The following GMDS variants were observed in gnomAD, a reference collection of about 807,000 sequenced individuals.
GMDS encodes the protein GDP-mannose 4,6-dehydratase.
In GMDS, 20 loss-of-function variants were observed where a neutral mutation model predicts 49.9. The observed-to-expected ratio is 0.40, with a 90% confidence interval of 0.28 to 0.58. The LOEUF is 0.58. Ranked by LOEUF, GMDS falls within the 20% of genes least tolerant of loss-of-function variation. The probability of loss-of-function intolerance (pLI) is 0.42; values close to 1 mark genes in which losing one functional copy is unlikely to be tolerated. For synonymous variants in GMDS, 177 were observed against 178.6 expected (o/e 0.99, Z 0.07); for missense variants, 362 against 481.4 (o/e 0.75, Z 2.32).
chr6:1,864,230 TG>T (rs1275289549), intron 7 of GMDS, among the ~76,000 whole-genome samples: 1 of 152,210 alleles, frequency 6.6e-6, no homozygotes, highest in African/African-American at 2.4e-5. Context: ...GGGAAGCTAT[TG>T]TTAACTTCTG....
intron 7 of GMDS, among the ~76,000 whole-genome samples, chr6:1,808,894 C>T (rs1770290551): frequency 7.5e-6 from 1 of 133,194 alleles, no homozygotes; most frequent in Non-Finnish European, 1.6e-5. Context: ...TGCACTAGTG[C>T]ATGCTCTCTC....
intron 9 of GMDS, among the ~76,000 whole-genome samples, chr6:1,641,935 A>C (rs1167684109): frequency 6.6e-6 from 1 of 152,162 alleles, no homozygotes; most frequent in African/African-American, 2.4e-5. Context: ...CAAACAGTGG[A>C]AGCACACTAG....
chr6:1,659,779 G>T (rs191110972), intron 9 of GMDS, among the ~76,000 whole-genome samples: 2 of 152,120 alleles, frequency 1.3e-5, no homozygotes, highest in East Asian at 3.9e-4. Context: ...ACTTGAGAAA[G>T]ACTTTGTTAT....
chr6:1,819,873 C>A (rs1165466010), intron 7 of GMDS, among the ~76,000 whole-genome samples: 1 of 150,002 alleles, frequency 6.7e-6, no homozygotes, highest in South Asian at 2.1e-4. Context: ...TGTCTCCTTG[C>A]TTCACTGTAA....
At chr6:2,074,675 T>C (rs754279322) in intron 4 of GMDS, among the ~76,000 whole-genome samples, 5 of 152,174 alleles carry the variant, frequency 3.3e-5, no homozygotes, top group African/African-American at 4.8e-5. Context: ...AAATTAATTA[T>C]TTATTTTTAA....
intron 7 of GMDS, among the ~76,000 whole-genome samples, chr6:1,895,143 G>C (rs533478268): frequency 6.6e-6 from 1 of 152,108 alleles, no homozygotes; most frequent in Non-Finnish European, 1.5e-5. Context: ...TTATCCGATG[G>C]GCAACGAGTT....
chr6:2,135,822 A>G (rs1041917161), intron 1 of GMDS, among the ~76,000 whole-genome samples: 3 of 152,230 alleles, frequency 2.0e-5, no homozygotes, highest in African/African-American at 7.2e-5. Context: ...TTTTATGCAC[A>G]TGTTAATAAA....
intron 6 of GMDS, among the ~76,000 whole-genome samples, chr6:1,949,429 A>C (rs1031417823): frequency 2.6e-5 from 4 of 152,222 alleles, no homozygotes; most frequent in Non-Finnish European, 5.9e-5. Context: ...GTTTGGTTTC[A>C]AACATAAATG....
At chr6:1,724,082 G>A (rs1766487993) in intron 9 of GMDS, among the ~76,000 whole-genome samples, 1 of 152,152 alleles carries the variant, frequency 6.6e-6, no homozygotes, top group Admixed American at 6.5e-5. Context: ...TCACCATACA[G>A]GAAAAGCTTA....
Position 2,206,877 on chromosome 6 carries a change from C to T in GMDS, c.102+38444G>A, listed in dbSNP as rs114523415. Among the ~76,000 whole-genome samples, 1,460 of 152,224 alleles carry T rather than the reference C, an allele frequency of 9.6e-3. 10 individuals are homozygous for T. Among genetic ancestry groups the T allele is most frequent in the Middle Eastern group, 0.02 (6 of 294 alleles). ...TTCCTTAGTCTGAGGATGTCCTTAC[C>T]TGTTATCTGAAATTACTCCAGCAGT... On this transcript the variant is annotated intron_variant, in intron 1 of 10. Coordinates refer to ENST00000380815, the MANE Select transcript of GMDS (RefSeq NM_001500.4).
intron 4 of GMDS, among the ~76,000 whole-genome samples, chr6:2,088,262 G>A (rs1239994928): frequency 6.6e-6 from 1 of 152,138 alleles, no homozygotes; most frequent in Non-Finnish European, 1.5e-5. Flanking sequence ...GGGGGATATG[G>A]GAGGTATTCA....
chr6:1,898,747 ATGAC>A (rs2113854985), intron 7 of GMDS, among the ~76,000 whole-genome samples: 1 of 152,312 alleles, frequency 6.6e-6, no homozygotes, highest in South Asian at 2.1e-4. Context: ...CTGCGGGGAG[ATGAC>A]ACTCTAAAGG....
At chr6:1,777,334 T>C (rs1204666570) in intron 7 of GMDS, among the ~76,000 whole-genome samples, 1 of 152,290 alleles carries the variant, frequency 6.6e-6, no homozygotes, top group Non-Finnish European at 1.5e-5. Context: ...AATGTTCATG[T>C]TGCTTCGGAG....
intron 9 of GMDS, among the ~76,000 whole-genome samples, chr6:1,708,567 G>A (rs138562254): frequency 6.6e-6 from 1 of 152,358 alleles, no homozygotes; most frequent in Admixed American, 6.5e-5. Flanking sequence ...GATAACTGGT[G>A]CATCAAATGG....
intron 1 of GMDS, among the ~76,000 whole-genome samples, chr6:2,208,334 T>A (rs1453276824): frequency 6.6e-6 from 1 of 152,222 alleles, no homozygotes; most frequent in Non-Finnish European, 1.5e-5. Context: ...AGCTGAACAG[T>A]GCAGTTAGCT....
At chr6:2,038,393 A>C (rs1769431705) in intron 4 of GMDS, among the ~76,000 whole-genome samples, 4 of 152,182 alleles carry the variant, frequency 2.6e-5, no homozygotes, top group Non-Finnish European at 1.5e-5. Flanking sequence ...CGCGCTCAAG[A>C]ATGAATGCAG....
intron 9 of GMDS, among the ~76,000 whole-genome samples, chr6:1,670,038 G>T (rs2113276545): frequency 6.6e-6 from 1 of 151,812 alleles, no homozygotes; most frequent in African/African-American, 2.4e-5. Flanking sequence ...GGGCTCCATA[G>T]GAACATCTTG....
chr6:1,629,578 G>A (rs746056377), intron 9 of GMDS, among the ~76,000 whole-genome samples: 1 of 152,154 alleles, frequency 6.6e-6, no homozygotes, highest in Admixed American at 6.5e-5. Context: ...GGCCTCGTCC[G>A]TGGCCACCCT....
Position 2,124,674 on chromosome 6 carries a change from T to G in GMDS, c.147+13A>C. ...CCCACCAGCCTGCGCCCGCTTCCCATTGAGTCACCCACCTCATAGCCTTTC... is the reference window on the plus strand; with the variant it reads ...CCCACCAGCCTGCGCCCGCTTCCCAGTGAGTCACCCACCTCATAGCCTTTC... On this transcript the variant is annotated intron_variant, in intron 2 of 10. Transcript: ENST00000380815. 6.2e-7 allele frequency: 1 copy of G among 1,610,838 alleles called. No homozygotes were observed. The highest frequency in any genetic ancestry group is 8.5e-7 in the Non-Finnish European group (1 of 1,177,138).
Sources: allele counts gnomAD v4.1 joint callset (sites outside exome capture counted in the v4.1 genomes callset), GRCh38; gene constraint gnomAD v4.1.1; transcripts MANE v1.5; gene names NCBI Gene and HGNC (gene_info 2026-07-23, HGNC 2026-07-21).